The following PRICKLE2 variants were observed in gnomAD, a reference collection of about 807,000 sequenced individuals.
The protein encoded by PRICKLE2 is prickle planar cell polarity protein 2.
A neutral mutation model predicts 81.4 loss-of-function variants in PRICKLE2; 21 were observed. The ratio of observed to expected loss-of-function variants is 0.26; its 90% CI spans 0.18 to 0.37. PRICKLE2 has a LOEUF of 0.37. PRICKLE2 is among the 10% of genes least tolerant of loss of function. The pLI is 1.00. For missense variants in PRICKLE2, 940 were observed against 1,109.0 expected, an observed-to-expected ratio of 0.85 and a Z score of 2.16; for synonymous variants, 456 against 421.5, an observed-to-expected ratio of 1.08 and a Z score of -1.00.
At chr3:64,170,471 G>A (rs563037311) in intron 2 of PRICKLE2, among the ~76,000 whole-genome samples, 60 of 152,170 alleles carry the variant, frequency 3.9e-4, no homozygotes, top group African/African-American at 1.2e-3. Flanking sequence ...TTCTGGACCC[G>A]GCTTTCACCT....
At chr3:64,239,596 G>C (rs2079231883) in intron 2 of PRICKLE2, among the ~76,000 whole-genome samples, 1 of 152,120 alleles carries the variant, frequency 6.6e-6, no homozygotes, top group Non-Finnish European at 1.5e-5. Context: ...CCAGCCACAG[G>C]GACAGGGGAG....
At chr3:64,199,204 G>GGCA (rs1398765244) in intron 1 of PRICKLE2, 1 of 596,100 alleles carries the variant, frequency 1.7e-6, no homozygotes, top group African/African-American at 1.9e-5. Flanking sequence ...TGCTAAGGGT[G>GGCA]TTTACATGTG....
chr3:64,152,866 A>C (rs2077569225), intron 6 of PRICKLE2, among the ~76,000 whole-genome samples: 1 of 152,186 alleles, frequency 6.6e-6, no homozygotes, highest in South Asian at 2.1e-4. Context: ...GAATGCAAAT[A>C]CTAAGACTAG....
chr3:64,192,948 T>C (rs1287081937), intron 2 of PRICKLE2, among the ~76,000 whole-genome samples: 1 of 152,162 alleles, frequency 6.6e-6, no homozygotes, highest in Non-Finnish European at 1.5e-5. Context: ...TCTTCAGAGT[T>C]TCATGGAGCA....
chr3:64,205,775 G>C (rs985591593), intron 1 of PRICKLE2, among the ~76,000 whole-genome samples: 1 of 152,090 alleles, frequency 6.6e-6, no homozygotes. Context: ...TTTTGTAAAA[G>C]AATTCATAAG....
At chr3:64,168,802 T>G (rs1300460649) in intron 2 of PRICKLE2, among the ~76,000 whole-genome samples, 1 of 152,218 alleles carries the variant, frequency 6.6e-6, no homozygotes, top group African/African-American at 2.4e-5. Flanking sequence ...TAGGTCTGCG[T>G]GGCTGACCAC....
At chr3:64,233,959 AC>A (rs1479497491) in intron 2 of PRICKLE2, among the ~76,000 whole-genome samples, 1 of 152,108 alleles carries the variant, frequency 6.6e-6, no homozygotes, top group East Asian at 1.9e-4. Flanking sequence ...CTGGCTCTTC[AC>A]CTAGTGTATT....
chr3:64,244,603 GGTGT>G (rs71680837), intron 2 of PRICKLE2, among the ~76,000 whole-genome samples: 18 of 91,676 alleles, frequency 2.0e-4, no homozygotes, highest in East Asian at 5.7e-4. Context: ...GTGAATGACT[GGTGT>G]GTGTGTGTGT....
intron 2 of PRICKLE2, among the ~76,000 whole-genome samples, chr3:64,183,705 T>C (rs1285842494): frequency 6.6e-6 from 1 of 152,228 alleles, no homozygotes; most frequent in Admixed American, 6.5e-5. Flanking sequence ...CCATGTTTAT[T>C]TTTACTTTAT....
chr3:64,267,117 G>A (rs927228082), intron 2 of PRICKLE2, among the ~76,000 whole-genome samples: 7 of 151,982 alleles, frequency 4.6e-5, no homozygotes, highest in East Asian at 3.9e-4. Context: ...GGGCACGGCT[G>A]CCCAGGCACT....
In PRICKLE2 at chr3:64,099,879, T is replaced by C. The variant is rs751284871; in HGVS notation, c.1707A>G (p.Arg569=). ...GGAKRQEHLS[R]FSMPDLSKDS... ...CTTTGCTGAGGTCAGGCATGGAAAA[T>C]CGGGATAGGTGCTCCTGGCGCTTGG... is the stretch of plus-strand genomic sequence containing the variant. Residue 569 remains arginine, a synonymous_variant, in exon 8 of 8, where the codon CGA becomes CGG. Coordinates refer to ENST00000638394, the MANE Select transcript of PRICKLE2 (RefSeq NM_198859.4). The surrounding 1 kb of genome is among the most constrained non-coding windows in gnomAD (Gnocchi z 4.3). 4 of 1,613,948 alleles carry C rather than the reference T, an allele frequency of 2.5e-6. No individual in the cohort carries two copies. Among genetic ancestry groups the C allele is most frequent in the Non-Finnish European group, 3.4e-6 (4 of 1,180,012 alleles).
chr3:64,146,841 G>C lies in PRICKLE2; in HGVS notation c.1649C>G (p.Ser550Cys), dbSNP rs949214479. 2 of 1,614,024 alleles carry C rather than the reference G, an allele frequency of 1.2e-6. No homozygotes were observed. Among genetic ancestry groups the C allele is most frequent in the Middle Eastern group, 1.6e-4 (1 of 6,084 alleles). The change falls in exon 7 of 8, where the codon TCT (serine) becomes TGT (cysteine). Residue 550 changes from serine (S) to cysteine (C), a missense_variant. Coordinates refer to ENST00000638394, the MANE Select transcript of PRICKLE2 (RefSeq NM_198859.4). Reference protein sequence around the residue: ...PRGSMESLALSNATGLSADGG... With the variant: ...PRGSMESLALCNATGLSADGG... ...TGAACAGAACCTACCTGTTGCATTA[G>C]ACAGGGCCAGGGATTCCATGGAGCC...
intron 2 of PRICKLE2, among the ~76,000 whole-genome samples, chr3:64,266,639 G>C (rs2079713854): frequency 6.6e-6 from 1 of 152,140 alleles, no homozygotes; most frequent in Admixed American, 6.6e-5. Context: ...TTGATGATTT[G>C]AAAAGGAAAG....
chr3:64,249,271 C>A (rs929967235), intron 2 of PRICKLE2, among the ~76,000 whole-genome samples: 2 of 142,006 alleles, frequency 1.4e-5, no homozygotes, highest in Non-Finnish European at 3.2e-5. Flanking sequence ...CTGCCACACA[C>A]TTTTAAACCA....
chr3:64,147,360 TC>T lies in PRICKLE2; in HGVS notation c.1129del (p.Asp377ThrfsTer81). 3 of 1,614,204 alleles carry T rather than the reference TC, an allele frequency of 1.9e-6. No individual in the cohort carries two copies. The highest frequency in any genetic ancestry group is 2.5e-6 in the Non-Finnish European group (3 of 1,180,036). On this transcript the variant is annotated frameshift_variant, in exon 7 of 8. Coordinates refer to ENST00000638394, the MANE Select transcript of PRICKLE2 (RefSeq NM_198859.4). LOFTEE classifies it high-confidence loss of function. The surrounding 1 kb of genome is among the most constrained non-coding windows in gnomAD (Gnocchi z 5.0). Reference protein sequence around the residue: ...ADVDPLSLQMDMLSLSSQTPS... With the variant: ...ADVDPLSLQMXMLSLSSQTPS... Reference sequence around the variant, plus strand: ...TGTCTGGCTGGACAGGCTGAGCATGTCCATCTGCAGTGACAGGGGGTCTACG... The same window carrying T: ...TGTCTGGCTGGACAGGCTGAGCATGTCATCTGCAGTGACAGGGGGTCTACG...
At chr3:64,203,812 AC>A (rs1407655866) in intron 1 of PRICKLE2, among the ~76,000 whole-genome samples, 2 of 126,074 alleles carry the variant, frequency 1.6e-5, no homozygotes, top group African/African-American at 6.8e-5. Context: ...CACTAAAAAT[AC>A]AAAAAAAAAA....
chr3:64,156,390 A>T (rs2077635707), intron 5 of PRICKLE2, among the ~76,000 whole-genome samples: 1 of 152,220 alleles, frequency 6.6e-6, no homozygotes, highest in South Asian at 2.1e-4. Flanking sequence ...AGAAAGATAG[A>T]TGCAAAAAAC....
At chr3:64,161,325 T>C (rs2077730105) in intron 3 of PRICKLE2, among the ~76,000 whole-genome samples, 1 of 152,214 alleles carries the variant, frequency 6.6e-6, no homozygotes, top group South Asian at 2.1e-4. Flanking sequence ...CCGTCTCCTG[T>C]TATACTTTGG....
At chr3:64,117,736 T>G (rs544372485) in intron 7 of PRICKLE2, among the ~76,000 whole-genome samples, 1 of 152,150 alleles carries the variant, frequency 6.6e-6, no homozygotes, top group South Asian at 2.1e-4. Flanking sequence ...TCCATGCTCA[T>G]TGACAGGAAG....
Sources: gnomAD v4.1 joint callset for allele counts (sites outside exome capture counted in the v4.1 genomes callset) on GRCh38, gnomAD v4.1.1 for gene constraint, Gnocchi (gnomAD v3.1) non-coding constraint, MANE v1.5 for transcripts, NCBI Gene and HGNC (gene_info 2026-07-23, HGNC 2026-07-21) for gene names.